PCDH15: variants seen among roughly 807,000 people sequenced by gnomAD.
The protein encoded by PCDH15 is protocadherin related 15, also known as protocadherin-15.
PCDH15 carries 129 observed loss-of-function variants against 178.5 expected under a neutral mutation model. The observed-to-expected ratio is 0.72, with a 90% confidence interval of 0.63 to 0.84. The LOEUF (loss-of-function observed/expected upper bound fraction) is 0.84, where lower values mean the gene tolerates loss of function less well. PCDH15 is among the 40% of genes least tolerant of loss of function. PCDH15 has a pLI of 0.00. For synonymous variants in PCDH15, 800 were observed against 732.0 expected (o/e 1.09, Z -1.50); for missense variants, 2,230 against 2,099.9 (o/e 1.06, Z -1.21).
chr10:54,189,279 G>T, intron 11 of PCDH15: 1 of 1,101,800 alleles, frequency 9.1e-7, no homozygotes, highest in Non-Finnish European at 1.3e-6. Context: ...ATACCTACGT[G>T]TTTTAGTGAA....
rs142233730 is a variant in PCDH15, at chr10:55,411,168, T to A, written c.-156+216457A>T. ...TTTGAATTTAGAAACACTAGTGGAATCTTTCCTTTCCTCCTTCCTTGTATA... is the reference window on the plus strand; with the variant it reads ...TTTGAATTTAGAAACACTAGTGGAAACTTTCCTTTCCTCCTTCCTTGTATA... On this transcript the variant is annotated intron_variant, in intron 2 of 5. Coordinates refer to the PCDH15 transcript ENST00000613346. 5.2e-4 allele frequency among the ~76,000 whole-genome samples: 79 copies of A among 152,264 alleles called. 2 individuals carry two copies. In the East Asian group the frequency reaches 0.015, roughly 28 times the overall value.
At chr10:54,492,886 G>T (rs2079736365) in intron 3 of PCDH15, among the ~76,000 whole-genome samples, 1 of 152,110 alleles carries the variant, frequency 6.6e-6, no homozygotes, top group South Asian at 2.1e-4. Flanking sequence ...ACAAAAGACA[G>T]AAGTTTAATG....
At chr10:54,153,377 TGCTTTC>T in intron 13 of PCDH15, 84 bp from the exon 14 acceptor site, 2 of 1,476,432 alleles carry the variant, frequency 1.4e-6, no homozygotes, top group African/African-American at 1.4e-5. Flanking sequence ...AAAAGAAGCT[TGCTTTC>T]AAAGAAAAAA....
Position 55,078,928 on chromosome 10 carries a change from T to C in PCDH15, c.-80+87648A>G, listed in dbSNP as rs112089019. 1.1e-3 allele frequency among the ~76,000 whole-genome samples: 170 copies of C among 152,282 alleles called. No individual in the cohort carries two copies. In the South Asian group the frequency reaches 0.018, roughly 16 times the overall value. On this transcript the variant is annotated intron_variant, in intron 2 of 5. Coordinates refer to the PCDH15 transcript ENST00000458638. ...CTTAGAATAACGACCTCCAGCTCCATAATTTTCATTCTATTCAATGAGTTC... is the reference window on the plus strand; with the variant it reads ...CTTAGAATAACGACCTCCAGCTCCACAATTTTCATTCTATTCAATGAGTTC...
intron 2 of PCDH15, among the ~76,000 whole-genome samples, chr10:55,469,920 T>C (rs546354821): frequency 7.2e-5 from 11 of 152,258 alleles, no homozygotes; most frequent in Admixed American, 4.6e-4. Context: ...TAAAGCAGTA[T>C]GTATTCATCT....
At chr10:55,071,782 A>C (rs1454436886) in intron 2 of PCDH15, among the ~76,000 whole-genome samples, 1 of 152,126 alleles carries the variant, frequency 6.6e-6, no homozygotes, top group African/African-American at 2.4e-5. Context: ...ACCCCAAATC[A>C]AGAGAATATA....
intron 21 of PCDH15, chr10:53,994,897 T>G (rs990993129): frequency 1.2e-4 from 19 of 152,080 alleles, no homozygotes; most frequent in African/African-American, 4.1e-4. Flanking sequence ...CTTATAAGAT[T>G]CAGGATTTTA....
chr10:54,408,705 G>A (rs1224480149), intron 3 of PCDH15, among the ~76,000 whole-genome samples: 1 of 152,116 alleles, frequency 6.6e-6, no homozygotes, highest in African/African-American at 2.4e-5. Flanking sequence ...TATGATTGGG[G>A]TTACTCTGAC....
chr10:54,408,960 A>G (rs1169602475), intron 3 of PCDH15, among the ~76,000 whole-genome samples: 1 of 152,166 alleles, frequency 6.6e-6, no homozygotes, highest in African/African-American at 2.4e-5. Context: ...TGTAGCTCCC[A>G]TAATTCCCTC....
chr10:54,421,873 T>G (rs112929964), intron 3 of PCDH15, among the ~76,000 whole-genome samples: 1 of 76,508 alleles, frequency 1.3e-5, no homozygotes, highest in African/African-American at 5.3e-5. Context: ...ACACACACTA[T>G]ATATATATAT....
chr10:55,601,687 A>T (rs1224063399), intron 2 of PCDH15, among the ~76,000 whole-genome samples: 1 of 152,210 alleles, frequency 6.6e-6, no homozygotes, highest in Non-Finnish European at 1.5e-5. Flanking sequence ...CAGAGAAATT[A>T]TTAAGGTTGA....
At chr10:55,369,805 G>C (rs1429856662) in intron 2 of PCDH15, among the ~76,000 whole-genome samples, 3 of 151,864 alleles carry the variant, frequency 2.0e-5, no homozygotes, top group Admixed American at 1.3e-4. Flanking sequence ...AGCCAATTGT[G>C]TACAATTTTC....
intron 2 of PCDH15, among the ~76,000 whole-genome samples, chr10:55,057,923 C>T (rs1048720621): frequency 2.0e-5 from 3 of 151,888 alleles, no homozygotes; most frequent in African/African-American, 7.3e-5. Context: ...TCAATTAATG[C>T]TTGTTCTTTA....
chr10:55,150,740 A>T (rs2799589), intron 2 of PCDH15, among the ~76,000 whole-genome samples: 135,173 of 152,104 alleles, frequency 0.89, 61,058 homozygotes, highest in Non-Finnish European at 0.97. Context: ...AAAATATCTT[A>T]AAAAATGTTA....
intron 8 of PCDH15, among the ~76,000 whole-genome samples, chr10:54,246,230 CAA>C (rs2055910003): frequency 6.6e-6 from 1 of 151,832 alleles, no homozygotes; most frequent in Admixed American, 6.6e-5. Context: ...CAAATTATTA[CAA>C]AGTTATAATT....
chr10:55,399,053 C>T (rs1445530793), intron 2 of PCDH15, among the ~76,000 whole-genome samples: 2 of 151,886 alleles, frequency 1.3e-5, no homozygotes, highest in Admixed American at 6.6e-5. Flanking sequence ...GAAAAACAGG[C>T]TACTGAAAAA....
intron 2 of PCDH15, among the ~76,000 whole-genome samples, chr10:55,598,175 G>T (rs1300686215): frequency 1.3e-5 from 2 of 152,084 alleles, no homozygotes; most frequent in East Asian, 1.9e-4. Flanking sequence ...ATAAAACTCG[G>T]CATAAAGAGT....
At chr10:54,784,263 C>G (rs1250341500) in intron 1 of PCDH15, among the ~76,000 whole-genome samples, 1 of 151,064 alleles carries the variant, frequency 6.6e-6, no homozygotes, top group Non-Finnish European at 1.5e-5. Flanking sequence ...TAATCAAAGA[C>G]CACTTGTACA....
intron 26 of PCDH15, among the ~76,000 whole-genome samples, chr10:53,903,013 C>T (rs77889682): frequency 1.3e-4 from 19 of 151,986 alleles, no homozygotes; most frequent in Non-Finnish European, 4.4e-5. Context: ...TGTAAAACAT[C>T]GTAAGTATTT....
Sources: gnomAD v4.1 joint callset for allele counts (sites outside exome capture counted in the v4.1 genomes callset) on GRCh38, gnomAD v4.1.1 for gene constraint, MANE v1.5 for transcripts, NCBI Gene and HGNC (gene_info 2026-07-23, HGNC 2026-07-21) for gene names.